The following TAGLN variants were observed in gnomAD, a reference collection of about 807,000 sequenced individuals.
TAGLN encodes the protein transgelin.
Under a neutral mutation model 21.9 loss-of-function variants are expected in TAGLN, and 16 were observed. The ratio of observed to expected loss-of-function variants is 0.73; its 90% confidence interval spans 0.49 to 1.11. The LOEUF (loss-of-function observed/expected upper bound fraction) is 1.11. TAGLN is among the 50% of genes least tolerant of loss of function. The probability of loss-of-function intolerance (pLI) is 0.00; values close to 1 mark genes in which losing one functional copy is unlikely to be tolerated. For missense variants in TAGLN, 248 were observed against 263.2 expected (o/e 0.94, Z 0.40); for synonymous variants, 96 against 94.9 (o/e 1.01, Z -0.06).
intron 1 of TAGLN, chr11:117,202,287 C>T (rs1054823381): frequency 6.6e-6 from 1 of 152,276 alleles, no homozygotes; most frequent in African/African-American, 2.4e-5. Context: ...AACTCTTGGG[C>T]TTTGGTGGCT....
At position 117,203,374 on chromosome 11, in the gene TAGLN, C is replaced by T. The variant is rs201511147; in HGVS notation, c.248C>T (p.Pro83Leu). 42 of 1,614,182 alleles carry T rather than the reference C, an allele frequency of 2.6e-5. No individual in the cohort carries two copies. Among genetic ancestry groups the T allele is most frequent in the Non-Finnish European group, 3.1e-5 (37 of 1,180,026 alleles). Residue 83 changes from proline (P) to leucine (L), a missense_variant, in exon 3 of 5, where the codon CCA becomes CTA. Transcript: ENST00000392951. The surrounding 1 kb of genome is among the most constrained non-coding windows in gnomAD (Gnocchi z 4.4). ...GSKPVKVPENPPSMVFKQMEQ... is the reference protein window; with the variant it reads ...GSKPVKVPENLPSMVFKQMEQ... ...AAGCCGGTGAAGGTGCCCGAGAACCCACCCTCCATGGTCTTCAAGCAGATG... is the reference window on the plus strand; with the variant it reads ...AAGCCGGTGAAGGTGCCCGAGAACCTACCCTCCATGGTCTTCAAGCAGATG...
chr11:117,206,446 T>C lies in TAGLN; in HGVS notation c.*2087T>C. On this transcript the variant is annotated 3_prime_UTR_variant, in exon 5 of 5. Transcript: ENST00000392951. The stretch of plus-strand genomic sequence containing the variant: ...AGGACAATGAGCTCAGAAAGTCTTT[T>C]TCCTTCTAGGGACTGCCTTTTTCAC... The C allele has an allele frequency of 6.6e-7, 1 of 1,523,946 alleles. No individual in the cohort carries two copies. Among genetic ancestry groups the C allele is most frequent in the Admixed American group, 2.1e-5 (1 of 47,034 alleles). 94.4% of individuals were successfully genotyped at this position (1,523,946 alleles called of 1,614,324 possible).
chr11:117,203,231 G>C lies in TAGLN; in HGVS notation c.180+38G>C, dbSNP rs1194243712. The C allele has an allele frequency of 2.5e-6, 4 of 1,595,640 alleles. No individual in the cohort carries two copies. The African/African-American group carries it at 4.0e-5, about 16-fold the overall frequency. On this transcript the variant is annotated intron_variant, in intron 2 of 4. Transcript: ENST00000392951. This position sits in a 1 kb window ranked among gnomAD's most constrained non-coding sequence, Gnocchi z 4.4. ...CTGGGCTAGGGCGCTGGGGGGCTGG[G>C]GTGTGCCACCCTGTGAGTCCTGGGC...
rs1456414993 is a variant in TAGLN, at chr11:117,205,263, C to G, written c.*904C>G. 1.3e-5 allele frequency: 3 copies of G among 233,668 alleles called. No individual in the cohort carries two copies. The highest frequency in any genetic ancestry group is 2.5e-5 in the Non-Finnish European group (3 of 118,092). 14.5% of individuals were successfully genotyped at this position (233,668 alleles called of 1,614,324 possible). A position where few individuals can be genotyped will look rare whatever the true frequency, so the allele number is the denominator to read the frequency against. On this transcript the variant is annotated 3_prime_UTR_variant, in exon 5 of 5. Coordinates refer to ENST00000392951, the MANE Select transcript of TAGLN (RefSeq NM_003186.5). ...GATAGCTGGCCTCCGGCGGGAAGGCCATTTCCCTGAGCACTTGCAGAGGAA... is the reference window on the plus strand; with the variant it reads ...GATAGCTGGCCTCCGGCGGGAAGGCGATTTCCCTGAGCACTTGCAGAGGAA...
chr11:117,202,626 C>T (rs1232151636), intron 1 of TAGLN: 2 of 155,372 alleles, frequency 1.3e-5, no homozygotes, highest in African/African-American at 4.8e-5. Flanking sequence ...AGCCTGCTGT[C>T]TGCTTTTGTA....
intron 1 of TAGLN, 46 bp from the exon 2 acceptor site, chr11:117,202,956 C>T: frequency 1.3e-6 from 2 of 1,502,190 alleles, no homozygotes; most frequent in Non-Finnish European, 8.9e-7. Context: ...AGCAGAGCTG[C>T]TCCCTGACCC....
At position 117,206,207 on chromosome 11, in the gene TAGLN, T is replaced by C; in HGVS notation, c.*1848T>C. 6.2e-7 allele frequency: 1 copy of C among 1,614,138 alleles called. No individual in the cohort carries two copies. The highest frequency in any genetic ancestry group is 8.5e-7 in the Non-Finnish European group (1 of 1,179,998). On this transcript the variant is annotated 3_prime_UTR_variant, in exon 5 of 5. Transcript: ENST00000392951. ...GTGGCACTGATTCTAGCTCTGTCCC[T>C]TCCTCCTTGGCTTTCCGGCTCCGAT... is the stretch of plus-strand genomic sequence containing the variant.
Position 117,203,588 on chromosome 11 carries a change from G to T in TAGLN, c.358+104G>T. 7.3e-7 allele frequency: 1 copy of T among 1,377,852 alleles called. No individual in the cohort carries two copies. 85.4% of individuals were successfully genotyped at this position (1,377,852 alleles called of 1,614,324 possible). A position where few individuals can be genotyped will look rare whatever the true frequency, so the allele number is the denominator to read the frequency against. The stretch of plus-strand genomic sequence containing the variant: ...GCCACAACTAGGGGTGTGCTTGCCC[G>T]CACACAGCAGGGATGGGATATGCCG... On this transcript the variant is annotated intron_variant, in intron 3 of 4. Coordinates refer to ENST00000392951, the MANE Select transcript of TAGLN (RefSeq NM_003186.5). The surrounding 1 kb of genome is among the most constrained non-coding windows in gnomAD (Gnocchi z 4.4).
At position 117,203,602 on chromosome 11, in the gene TAGLN, T is replaced by G; in HGVS notation, c.358+118T>G. ...TGTGCTTGCCCGCACACAGCAGGGA[T>G]GGGATATGCCGAGAATAACACGCCA... is the stretch of plus-strand genomic sequence containing the variant. On this transcript the variant is annotated intron_variant, in intron 3 of 4. Transcript: ENST00000392951. This position sits in a 1 kb window ranked among gnomAD's most constrained non-coding sequence, Gnocchi z 4.4. The G allele has an allele frequency of 7.6e-7, 1 of 1,323,866 alleles. No individual in the cohort carries two copies. 82.0% of individuals were successfully genotyped at this position (1,323,866 alleles called of 1,614,324 possible).
At position 117,203,447 on chromosome 11, in the gene TAGLN, C is replaced by G. The variant is rs1319020456; in HGVS notation, c.321C>G (p.Ile107Met). ...FLKAAEDYGV[I>M]KTDMFQTVDL... is the part of the protein sequence containing the mutation. Reference sequence around the variant, plus strand: ...AGGCGGCTGAGGACTATGGGGTCATCAAGACTGACATGTTCCAGACTGTTG... The same window carrying G: ...AGGCGGCTGAGGACTATGGGGTCATGAAGACTGACATGTTCCAGACTGTTG... The change falls in exon 3 of 5, where the codon ATC becomes ATG. Residue 107 changes from isoleucine to methionine, a missense_variant. Transcript: ENST00000392951. This position sits in a 1 kb window ranked among gnomAD's most constrained non-coding sequence, Gnocchi z 4.4. 1.9e-6 allele frequency: 3 copies of G among 1,614,140 alleles called. No homozygotes were observed. Among genetic ancestry groups the G allele is most frequent in the South Asian group, 2.2e-5 (2 of 91,074 alleles).
At position 117,203,225 on chromosome 11, in the gene TAGLN, G is replaced by T. The variant is rs574544173; in HGVS notation, c.180+32G>T. 5.1e-5 allele frequency: 82 copies of T among 1,594,832 alleles called. No individual in the cohort carries two copies. In the South Asian group the frequency reaches 8.4e-4, roughly 16 times the overall value. ...GGCACCCTGGGCTAGGGCGCTGGGG[G>T]GCTGGGGTGTGCCACCCTGTGAGTC... On this transcript the variant is annotated intron_variant, in intron 2 of 4. Transcript: ENST00000392951. The surrounding 1 kb of genome is among the most constrained non-coding windows in gnomAD (Gnocchi z 4.4).
At position 117,206,843 on chromosome 11, in the gene TAGLN, C is replaced by T; in HGVS notation, c.*2484C>T. On this transcript the variant is annotated 3_prime_UTR_variant, in exon 5 of 5. Coordinates refer to ENST00000392951, the MANE Select transcript of TAGLN (RefSeq NM_003186.5). ...TGAGGATGCCCCACTGACTATGGTT[C>T]CTATACCATCTGCCCTCACCCATTT... The T allele has an allele frequency of 1.5e-6, 1 of 673,622 alleles. No homozygotes were observed. Among genetic ancestry groups the T allele is most frequent in the Non-Finnish European group, 2.7e-6 (1 of 369,784 alleles). 41.7% of individuals were successfully genotyped at this position (673,622 alleles called of 1,614,324 possible). A position where few individuals can be genotyped will look rare whatever the true frequency, so the allele number is the denominator to read the frequency against.
Position 117,204,362 on chromosome 11 carries a change from C to G in TAGLN, c.*3C>G, listed in dbSNP as rs765543678. On this transcript the variant is annotated 3_prime_UTR_variant, in exon 5 of 5. Transcript: ENST00000392951. ...GACCTCGGCAGATCATCAGTTAGAGCGGAGAGGGCTAGCCCTGAGCCCGGC... is the reference window on the plus strand; with the variant it reads ...GACCTCGGCAGATCATCAGTTAGAGGGGAGAGGGCTAGCCCTGAGCCCGGC... 1 of 1,614,216 alleles carries G rather than the reference C, an allele frequency of 6.2e-7. No individual in the cohort carries two copies. Among genetic ancestry groups the G allele is most frequent in the Non-Finnish European group, 8.5e-7 (1 of 1,180,032 alleles).
rs1565298920 is a variant in TAGLN at position 117,206,236 on chromosome 11, G to A, written c.*1877G>A. ...TCCTTGGCTTTCCGGCTCCGATGGG[G>A]CCAGTGGCAGGGTCCACTCCTACAA... On this transcript the variant is annotated 3_prime_UTR_variant, in exon 5 of 5. Transcript: ENST00000392951. The A allele has an allele frequency of 1.2e-6, 2 of 1,614,160 alleles. No individual in the cohort carries two copies. The highest frequency in any genetic ancestry group is 1.7e-6 in the Non-Finnish European group (2 of 1,180,018).
At chr11:117,200,125 AGGGT>A (rs1459132401) in intron 1 of TAGLN, 1 of 152,122 alleles carries the variant, frequency 6.6e-6, no homozygotes, top group Admixed American at 6.5e-5. Flanking sequence ...TCTTTCCCAA[AGGGT>A]GGTTCCCTTT....
chr11:117,206,976 A>C lies in TAGLN; in HGVS notation c.*2617A>C. ...CTACCGGCTTGACGCTGGAACTGGG[A>C]AGCACAGCTGGGGTTCAGAGGGCGA... On this transcript the variant is annotated 3_prime_UTR_variant, in exon 5 of 5. Transcript: ENST00000392951. 3.4e-6 allele frequency: 5 copies of C among 1,449,726 alleles called. No individual in the cohort carries two copies. The highest frequency in any genetic ancestry group is 4.8e-6 in the Non-Finnish European group (5 of 1,036,312). The allele number at this position is 1,449,726 out of a possible 1,614,324, so 89.8% of individuals were successfully genotyped here.
Position 117,203,050 on chromosome 11 carries a change from G to C in TAGLN, c.37G>C (p.Glu13Gln). The C allele has an allele frequency of 1.2e-6, 2 of 1,601,242 alleles. No homozygotes were observed. Among genetic ancestry groups the C allele is most frequent in the South Asian group, 1.1e-5 (1 of 88,516 alleles). ...GGGTCCTTCCTATGGCATGAGCCGC[G>C]AAGTGCAGTCCAAAATCGAGAAGAA... ...NKGPSYGMSR[E>Q]VQSKIEKKYD... Residue 13 changes from glutamate (E) to glutamine (Q), a missense_variant, in exon 2 of 5, where the codon GAA (glutamate) becomes CAA (glutamine). Transcript: ENST00000392951. This position sits in a 1 kb window ranked among gnomAD's most constrained non-coding sequence, Gnocchi z 4.4.
Position 117,203,172 on chromosome 11 carries a change from G to C in TAGLN, c.159G>C (p.Gln53His), listed in dbSNP as rs933034144. 6.3e-7 allele frequency: 1 copy of C among 1,590,904 alleles called. No homozygotes were observed. Among genetic ancestry groups the C allele is most frequent in the African/African-American group, 1.3e-5 (1 of 74,424 alleles). Residue 53 changes from glutamine (Q) to histidine (H), a missense_variant, in exon 2 of 5, where the codon CAG becomes CAC. By Grantham distance (24) the Gln-to-His change is conservative. Transcript: ENST00000392951. The surrounding 1 kb of genome is among the most constrained non-coding windows in gnomAD (Gnocchi z 4.4). ...GRPDRGRLGF[Q>H]VWLKNGVILS... ...CAGACCGTGGGCGCTTGGGCTTCCAGGTCTGGCTGAAGAATGGCGTGGTGA... is the reference window on the plus strand; with the variant it reads ...CAGACCGTGGGCGCTTGGGCTTCCACGTCTGGCTGAAGAATGGCGTGGTGA...
Position 117,202,991 on chromosome 11 carries a change from G to A in TAGLN, c.-12-11G>A. ...CTCTGCCCCTCCCTCCTCCACCCTG[G>A]CCTGCTTTAGCTTTCCCCAGACATG... On this transcript the variant is annotated splice_polypyrimidine_tract_variant and intron_variant, in intron 1 of 4. Coordinates refer to ENST00000392951, the MANE Select transcript of TAGLN (RefSeq NM_003186.5). The A allele has an allele frequency of 6.5e-7, 1 of 1,537,746 alleles. No homozygotes were observed. The highest frequency in any genetic ancestry group is 8.8e-7 in the Non-Finnish European group (1 of 1,141,254).
Sources: gnomAD v4.1 joint callset for allele counts on GRCh38, gnomAD v4.1.1 for gene constraint, Gnocchi (gnomAD v3.1) non-coding constraint, MANE v1.5 for transcripts, NCBI Gene and HGNC (gene_info 2026-07-23, HGNC 2026-07-21) for gene names.